Variants in SLC7A9 observed in about 807,000 individuals in gnomAD.
SLC7A9 encodes the protein solute carrier family 7 member 9.
A neutral mutation model predicts 54.1 loss-of-function variants in SLC7A9; 38 were observed. The observed-to-expected ratio is 0.70, with a 90% CI of 0.54 to 0.92. SLC7A9 has a LOEUF of 0.92. Among genes scored for constraint, SLC7A9 ranks in the 40% least tolerant of loss-of-function variants. The pLI is 0.00. For missense variants in SLC7A9, 537 were observed against 636.1 expected (o/e 0.84, Z 1.68); for synonymous variants, 264 against 258.9 (o/e 1.02, Z -0.19).
intron 9 of SLC7A9, among the ~76,000 whole-genome samples, chr19:32,846,110 T>C (rs1421775310): frequency 6.6e-6 from 1 of 152,110 alleles, no homozygotes; most frequent in Non-Finnish European, 1.5e-5. Flanking sequence ...AGACGGGTGA[T>C]TTCTGCATTT....
At position 32,863,534 on chromosome 19, in the gene SLC7A9, ATTGT is replaced by A. The variant is rs1280956821; in HGVS notation, c.478+558_478+561del. On this transcript the variant is annotated intron_variant, in intron 4 of 12. Transcript: ENST00000023064. The stretch of plus-strand genomic sequence containing the variant: ...GCCACCATACCCGGCTAATGTTTTG[ATTGT>A]TTGTAGAGTCAAGGTTCTCACTGTG... Among the ~76,000 whole-genome samples the A allele has an allele frequency of 7.2e-5, 11 of 151,986 alleles. No individual in the cohort carries two copies. In the East Asian group the frequency reaches 2.1e-3, roughly 29 times the overall value.
At chr19:32,830,717 T>A (rs1342828646) in intron 12 of SLC7A9, 33 bp from the exon 13 acceptor site, 2 of 1,578,802 alleles carry the variant, frequency 1.3e-6, no homozygotes, top group Admixed American at 1.7e-5. Context: ...GTACAGTTAG[T>A]TAGACTGAAA....
At chr19:32,832,755 T>TAA (rs35120216) in intron 12 of SLC7A9, 15 of 231,524 alleles carry the variant, frequency 6.5e-5, no homozygotes, top group Non-Finnish European at 1.2e-4. Context: ...CTACAAAAAG[T>TAA]AAAAAAAATA....
At chr19:32,850,627 C>T (rs1458201992) in intron 9 of SLC7A9, among the ~76,000 whole-genome samples, 3 of 152,028 alleles carry the variant, frequency 2.0e-5, no homozygotes, top group Non-Finnish European at 2.9e-5. Flanking sequence ...AGATTCAGTG[C>T]CATCCCCATC....
intron 9 of SLC7A9, among the ~76,000 whole-genome samples, chr19:32,853,343 A>G (rs1226693395): frequency 6.6e-6 from 1 of 152,224 alleles, no homozygotes; most frequent in Non-Finnish European, 1.5e-5. Context: ...GGTGATGGAA[A>G]TGATCTAGAA....
At chr19:32,860,132 A>T in intron 7 of SLC7A9, 168 bp from the exon 8 acceptor site, 1 of 1,540,724 alleles carries the variant, frequency 6.5e-7, no homozygotes, top group Non-Finnish European at 8.7e-7. Context: ...ACTCCAGAGC[A>T]GTTCACATGG....
rs531286031 is a variant in SLC7A9 at position 32,867,453 on chromosome 19, G to A, written c.87+995C>T. On this transcript the variant is annotated intron_variant, in intron 2 of 12. Coordinates refer to ENST00000023064, the MANE Select transcript of SLC7A9 (RefSeq NM_014270.5). Reference sequence around the variant, plus strand: ...GATTGCTTGAGTCCAGGAGGTTGACGCTGCAGTGAGCTATGATTGCACCAC... The same window carrying A: ...GATTGCTTGAGTCCAGGAGGTTGACACTGCAGTGAGCTATGATTGCACCAC... Among the ~76,000 whole-genome samples, 20 of 152,136 alleles carry A rather than the reference G, an allele frequency of 1.3e-4. No individual in the cohort carries two copies. In the East Asian group the frequency reaches 3.1e-3, roughly 24 times the overall value.
intron 8 of SLC7A9, among the ~76,000 whole-genome samples, chr19:32,859,638 T>C (rs1210079286): frequency 6.6e-6 from 1 of 152,174 alleles, no homozygotes; most frequent in Non-Finnish European, 1.5e-5. Context: ...ACTTTCTGCC[T>C]CTGCTTCATG....
At chr19:32,833,422 C>T (rs995878734) in intron 11 of SLC7A9, 99 bp from the exon 12 acceptor site, 1 of 980,416 alleles carries the variant, frequency 1.0e-6, no homozygotes, top group Admixed American at 2.0e-5. Context: ...TCCATGTACC[C>T]CCTCCTCCAA....
chr19:32,839,216 GA>G (rs1269416327), intron 11 of SLC7A9, among the ~76,000 whole-genome samples: 1 of 152,050 alleles, frequency 6.6e-6, no homozygotes, highest in African/African-American at 2.4e-5. Flanking sequence ...CTTTGCCAGT[GA>G]CTTTTTGGTT....
intron 9 of SLC7A9, among the ~76,000 whole-genome samples, chr19:32,852,822 GT>G (rs1968506894): frequency 6.6e-6 from 1 of 151,328 alleles, no homozygotes; most frequent in South Asian, 2.1e-4. Context: ...AATTCTAAGT[GT>G]ATAGGGAATG....
At chr19:32,847,934 C>G (rs1361538896) in intron 9 of SLC7A9, among the ~76,000 whole-genome samples, 1 of 152,088 alleles carries the variant, frequency 6.6e-6, no homozygotes, top group Non-Finnish European at 1.5e-5. Context: ...CCCACCCAAG[C>G]TAAGCTTCAT....
At chr19:32,860,028 C>A in intron 7 of SLC7A9, 64 bp from the exon 8 acceptor site, 1 of 1,613,230 alleles carries the variant, frequency 6.2e-7, no homozygotes, top group South Asian at 1.1e-5. Context: ...AGATGGACGC[C>A]CTCCCTGAGG....
At chr19:32,842,905 A>C (rs1035952683) in intron 10 of SLC7A9, among the ~76,000 whole-genome samples, 5 of 152,166 alleles carry the variant, frequency 3.3e-5, no homozygotes, top group African/African-American at 1.2e-4. Context: ...AGAATTTTCC[A>C]CACAGAGAGT....
At chr19:32,862,665 TTTA>T (rs1265771705) in intron 4 of SLC7A9, 79 bp from the exon 5 acceptor site, 14 of 1,314,504 alleles carry the variant, frequency 1.1e-5, no homozygotes, top group Admixed American at 3.0e-5. Context: ...TTATATATTT[TTTA>T]TTTTTTTTTT....
intron 2 of SLC7A9, among the ~76,000 whole-genome samples, chr19:32,866,903 C>T (rs751030129): frequency 6.6e-6 from 1 of 152,208 alleles, no homozygotes; most frequent in Non-Finnish European, 1.5e-5. Flanking sequence ...CTGGAGCTGC[C>T]TTTCCTCATC....
At chr19:32,842,034 C>T in intron 11 of SLC7A9, 134 bp downstream of exon 11, 2 of 864,912 alleles carry the variant, frequency 2.3e-6, no homozygotes, top group East Asian at 2.6e-5. Context: ...GAGTAAACTC[C>T]ACTCTAAAAT....
chr19:32,858,638 G>A, intron 8 of SLC7A9, 95 bp from the exon 9 acceptor site: 2 of 936,240 alleles, frequency 2.1e-6, no homozygotes, highest in Non-Finnish European at 3.4e-6. Flanking sequence ...GGGGACCCAG[G>A]GACCCACCTC....
At chr19:32,838,722 T>A (rs938305675) in intron 11 of SLC7A9, among the ~76,000 whole-genome samples, 5 of 148,252 alleles carry the variant, frequency 3.4e-5, no homozygotes, top group Middle Eastern at 3.9e-3. Context: ...GTATATGTAT[T>A]TGTATGTATA....
Sources: allele counts gnomAD v4.1 joint callset (sites outside exome capture counted in the v4.1 genomes callset), GRCh38; gene constraint gnomAD v4.1.1; transcripts MANE v1.5; gene names NCBI Gene and HGNC (gene_info 2026-07-23, HGNC 2026-07-21).